SPSB1: variants seen among roughly 807,000 people sequenced by gnomAD.
SPSB1 encodes the protein splA/ryanodine receptor domain and SOCS box containing 1.
A neutral mutation model predicts 21.2 loss-of-function variants in SPSB1; 8 were observed. The observed-to-expected ratio is 0.38, with a 90% CI of 0.22 to 0.68. The LOEUF (loss-of-function observed/expected upper bound fraction) is 0.68. Among genes scored for constraint, SPSB1 ranks in the 30% least tolerant of loss-of-function variants. SPSB1 has a pLI of 0.53. For synonymous variants in SPSB1, 169 were observed against 161.7 expected, an observed-to-expected ratio of 1.05 and a Z score of -0.34; for missense variants, 242 against 377.8, an observed-to-expected ratio of 0.64 and a Z score of 2.98.
chr1:9,341,894 G>T (rs1360204738), intron 1 of SPSB1, among the ~76,000 whole-genome samples: 1 of 151,996 alleles, frequency 6.6e-6, no homozygotes, highest in Non-Finnish European at 1.5e-5. Flanking sequence ...TAGAGATGGG[G>T]TTTCTCCATG....
chr1:9,351,744 G>A (rs1258029654), intron 1 of SPSB1: 2 of 152,366 alleles, frequency 1.3e-5, no homozygotes, highest in East Asian at 3.8e-4. Context: ...GTGAACAAAA[G>A]GAAGTTGGGA....
rs950972589 is a variant in SPSB1, at chr1:9,317,682, C to T, written c.-150+24611C>T. 1.3e-5 allele frequency among the ~76,000 whole-genome samples: 2 copies of T among 152,134 alleles called. No individual in the cohort carries two copies. Among genetic ancestry groups the T allele is most frequent in the Non-Finnish European group, 2.9e-5 (2 of 68,028 alleles). On this transcript the variant is annotated intron_variant, in intron 1 of 2. Coordinates refer to ENST00000328089, the MANE Select transcript of SPSB1 (RefSeq NM_025106.4). This position sits in a 1 kb window ranked among gnomAD's most constrained non-coding sequence, Gnocchi z 4.3. Reference sequence around the variant, plus strand: ...TATTTTTTGTAGAGTTGGGGTTTCACCCTATTGCCAGGCTGGTCTCAAACT... The same window carrying T: ...TATTTTTTGTAGAGTTGGGGTTTCATCCTATTGCCAGGCTGGTCTCAAACT...
intron 1 of SPSB1, among the ~76,000 whole-genome samples, chr1:9,338,083 T>C (rs961201354): frequency 4.6e-5 from 7 of 152,254 alleles, no homozygotes; most frequent in Admixed American, 3.9e-4. Context: ...CTGGAAGACA[T>C]TGAGTGCTCA....
rs367811686 is a variant in SPSB1, at chr1:9,356,633, A to G, written c.694+48A>G. The stretch of plus-strand genomic sequence containing the variant: ...GAGGCAATGCCCTCCCTCAGTCCCC[A>G]TGGTCCTGGCTGGGCTCAGGCCAAA... On this transcript the variant is annotated intron_variant, in intron 2 of 2. Coordinates refer to ENST00000328089, the MANE Select transcript of SPSB1 (RefSeq NM_025106.4). This position sits in a 1 kb window ranked among gnomAD's most constrained non-coding sequence, Gnocchi z 7.4. The G allele has an allele frequency of 1.9e-4, 298 of 1,543,466 alleles. 2 individuals are homozygous for G. Among genetic ancestry groups the G allele is most frequent in the South Asian group, 1.6e-3 (123 of 79,172 alleles).
At position 9,366,065 on chromosome 1, in the gene SPSB1, C is replaced by T. The variant is rs61039900; in HGVS notation, c.695-1383C>T. On this transcript the variant is annotated intron_variant, in intron 2 of 2. Transcript: ENST00000328089. ...AGCTGACGGCTCATCTGAGATGCAG[C>T]TGAATGAACTCAGCCTCCTTTGTAG... Among the ~76,000 whole-genome samples the T allele has an allele frequency of 7.9e-3, 1,205 of 152,352 alleles. 48 individuals carry two copies. The East Asian group carries it at 0.085, about 11-fold the overall frequency.
intron 1 of SPSB1, among the ~76,000 whole-genome samples, chr1:9,328,276 C>T (rs757842840): frequency 5.3e-5 from 8 of 152,336 alleles, no homozygotes; most frequent in East Asian, 1.9e-4. Context: ...GTCCTCCAAA[C>T]TGTCATCCCT....
At chr1:9,338,422 C>T (rs1640038729) in intron 1 of SPSB1, among the ~76,000 whole-genome samples, 1 of 152,222 alleles carries the variant, frequency 6.6e-6, no homozygotes, top group African/African-American at 2.4e-5. Context: ...AAGGCCCCTC[C>T]AGGACAGCAC....
Position 9,342,523 on chromosome 1 carries a change from C to T in SPSB1, c.-149-13220C>T, listed in dbSNP as rs200528637. On this transcript the variant is annotated intron_variant, in intron 1 of 2. Coordinates refer to ENST00000328089, the MANE Select transcript of SPSB1 (RefSeq NM_025106.4). Reference sequence around the variant, plus strand: ...TTTGGAGCTGCCTCAGGGTGTTGACCTGCTCAGTGAGAAAGTAGGCGCCTA... The same window carrying T: ...TTTGGAGCTGCCTCAGGGTGTTGACTTGCTCAGTGAGAAAGTAGGCGCCTA... 8.5e-5 allele frequency among the ~76,000 whole-genome samples: 13 copies of T among 152,304 alleles called. No homozygotes were observed. In the East Asian group the frequency reaches 2.5e-3, roughly 29 times the overall value.
At chr1:9,330,979 G>A (rs1025139109) in intron 1 of SPSB1, among the ~76,000 whole-genome samples, 2 of 151,066 alleles carry the variant, frequency 1.3e-5, no homozygotes, top group Admixed American at 1.3e-4. Context: ...ATCTTTTATT[G>A]AAGGATGATA....
At chr1:9,358,087 C>T (rs1376492621) in intron 2 of SPSB1, among the ~76,000 whole-genome samples, 1 of 152,210 alleles carries the variant, frequency 6.6e-6, no homozygotes, top group African/African-American at 2.4e-5. Flanking sequence ...GTCTCCAAGC[C>T]TGCAGCTTCT....
At chr1:9,362,092 G>C (rs534556809) in intron 2 of SPSB1, among the ~76,000 whole-genome samples, 1 of 152,306 alleles carries the variant, frequency 6.6e-6, no homozygotes, top group East Asian at 1.9e-4. Flanking sequence ...GCCTCCTCCC[G>C]GGTGCCTCCT....
intron 1 of SPSB1, among the ~76,000 whole-genome samples, chr1:9,323,305 C>T (rs1465036190): frequency 6.6e-6 from 1 of 152,242 alleles, no homozygotes; most frequent in Non-Finnish European, 1.5e-5. Flanking sequence ...CTGGGCCCCT[C>T]TCTGGCCCCA....
At chr1:9,323,983 C>T (rs1389507177) in intron 1 of SPSB1, among the ~76,000 whole-genome samples, 1 of 152,152 alleles carries the variant, frequency 6.6e-6, no homozygotes, top group African/African-American at 2.4e-5. Context: ...AGGAGGTGGG[C>T]CACTTGCAAG....
At chr1:9,362,418 T>C (rs535594415) in intron 2 of SPSB1, among the ~76,000 whole-genome samples, 2 of 152,320 alleles carry the variant, frequency 1.3e-5, no homozygotes, top group South Asian at 2.1e-4. Context: ...AACTGCGTAG[T>C]GTAGAGGAAA....
intron 1 of SPSB1, among the ~76,000 whole-genome samples, chr1:9,329,340 G>A (rs1275552575): frequency 6.6e-6 from 1 of 152,104 alleles, no homozygotes; most frequent in Non-Finnish European, 1.5e-5. Flanking sequence ...GAGTGTCTCA[G>A]TCCAGGAACT....
chr1:9,298,385 AGTGAATGAATG>A, intron 1 of SPSB1, among the ~76,000 whole-genome samples: 1 of 61,722 alleles, frequency 1.6e-5, no homozygotes, highest in East Asian at 2.7e-4. Context: ...TGAATGAATG[AGTGAATGAATG>A]AATGAGTGAA....
rs1310479761 is a variant in SPSB1, at chr1:9,367,419, G to A, written c.695-29G>A. On this transcript the variant is annotated intron_variant, in intron 2 of 2. Transcript: ENST00000328089. The surrounding 1 kb of genome is among the most constrained non-coding windows in gnomAD (Gnocchi z 5.9). The stretch of plus-strand genomic sequence containing the variant: ...TTTGCTGAACACCCACCCAAGCTGC[G>A]CTGACCTGCAGTTTCTCTGTCTCCC... 6.2e-7 allele frequency: 1 copy of A among 1,612,766 alleles called. No homozygotes were observed.
At chr1:9,312,777 A>C (rs1639544648) in intron 1 of SPSB1, among the ~76,000 whole-genome samples, 1 of 152,118 alleles carries the variant, frequency 6.6e-6, no homozygotes, top group South Asian at 2.1e-4. Context: ...CAACCTGGTC[A>C]GTCTTATTGC....
chr1:9,344,582 G>A (rs1640141044), intron 1 of SPSB1, among the ~76,000 whole-genome samples: 1 of 152,202 alleles, frequency 6.6e-6, no homozygotes, highest in African/African-American at 2.4e-5. Context: ...GGCGGCAGGA[G>A]GAGGGCAGGG....
Sources: allele counts gnomAD v4.1 joint callset (sites outside exome capture counted in the v4.1 genomes callset), GRCh38; gene constraint gnomAD v4.1.1; non-coding constraint Gnocchi (gnomAD v3.1); transcripts MANE v1.5; gene names NCBI Gene and HGNC (gene_info 2026-07-23, HGNC 2026-07-21).